RUVBL2: variants seen among roughly 807,000 people sequenced by gnomAD.
RUVBL2 encodes the protein ruvB-like 2.
Under a neutral mutation model 57.9 loss-of-function variants are expected in RUVBL2, and 9 were observed. The ratio of observed to expected loss-of-function variants is 0.16; its 90% confidence interval spans 0.09 to 0.27. The LOEUF is 0.27. Ranked by LOEUF, RUVBL2 falls within the 10% of genes least tolerant of loss-of-function variation. RUVBL2 has a pLI of 1.00. For missense variants in RUVBL2, 456 were observed against 669.6 expected, an observed-to-expected ratio of 0.68 and a Z score of 3.52; for synonymous variants, 278 against 264.6, an observed-to-expected ratio of 1.05 and a Z score of -0.49.
At chr19:49,010,687 G>A in intron 9 of RUVBL2, 76 bp downstream of exon 9, 1 of 1,584,308 alleles carries the variant, frequency 6.3e-7, no homozygotes, top group South Asian at 1.1e-5. Context: ...CTCTGTTCCT[G>A]AGCTCCGAGT....
chr19:49,012,664 T>C (rs2039451954), intron 11 of RUVBL2, among the ~76,000 whole-genome samples: 1 of 152,244 alleles, frequency 6.6e-6, no homozygotes, highest in Non-Finnish European at 1.5e-5. Flanking sequence ...CTTTCCCAGC[T>C]GAGTGTGAAC....
At chr19:49,001,862 G>A (rs891217894) in intron 2 of RUVBL2, among the ~76,000 whole-genome samples, 4 of 151,768 alleles carry the variant, frequency 2.6e-5, no homozygotes, top group Non-Finnish European at 5.9e-5. Flanking sequence ...CGCCTGCCTC[G>A]GCCTCCCAAA....
rs200644034 is a variant in RUVBL2, at chr19:49,003,150, TC to T, written c.68-124del. On this transcript the variant is annotated intron_variant, in intron 2 of 14. Coordinates refer to ENST00000595090, the MANE Select transcript of RUVBL2 (RefSeq NM_006666.3). ...ATATCCTTTCCATGTGCCCCTTCAT[TC>T]CCCCAACCCCTGCTCCCTACTCCCA... 1,553 of 799,952 alleles carry T rather than the reference TC, an allele frequency of 1.9e-3. 27 individuals are homozygous for T. In the African/African-American group the frequency reaches 0.024, roughly 13 times the overall value. 49.6% of individuals were successfully genotyped at this position (799,952 alleles called of 1,614,324 possible).
chr19:49,002,671 G>A (rs2039207176), intron 2 of RUVBL2, among the ~76,000 whole-genome samples: 3 of 151,920 alleles, frequency 2.0e-5, no homozygotes, highest in Admixed American at 6.6e-5. Context: ...TGCAACCTCC[G>A]CCTCCCAGGT....
rs747249344 is a variant in RUVBL2 at position 49,015,576 on chromosome 19, C to T, written c.1256C>T (p.Thr419Ile). Residue 419 changes from threonine to isoleucine, a missense_variant, in exon 14 of 15, where the codon ACA becomes ATA. By Grantham distance (89) the Thr-to-Ile change is moderately conservative (BLOSUM62 -1). This residue lies in a region of RUVBL2 where 67 missense variants were observed against 71.5 expected (regional missense o/e 0.94). Transcript: ENST00000595090. ...GGACTCGCCCTCCCCCTCCAGGGTA[C>T]AGAAGTGCAGGTGGATGACATCAAG... is the stretch of plus-strand genomic sequence containing the variant. Reference protein sequence around the residue: ...ASLVCRKRKGTEVQVDDIKRV... With the variant: ...ASLVCRKRKGIEVQVDDIKRV... 1.9e-6 allele frequency: 3 copies of T among 1,613,072 alleles called. No individual in the cohort carries two copies. The highest frequency in any genetic ancestry group is 4.5e-5 in the East Asian group (2 of 44,894).
At chr19:49,000,934 G>A (rs2039166686) in intron 2 of RUVBL2, among the ~76,000 whole-genome samples, 1 of 151,970 alleles carries the variant, frequency 6.6e-6, no homozygotes, top group Non-Finnish European at 1.5e-5. Context: ...GAGTCAGGAG[G>A]ATTGCTTGAA....
At chr19:49,014,403 T>A in intron 11 of RUVBL2, 81 bp from the exon 12 acceptor site, 1 of 1,529,236 alleles carries the variant, frequency 6.5e-7, no homozygotes. Context: ...TGGGTGGCGA[T>A]GGGAGGTGAG....
At position 49,015,006 on chromosome 19, in the gene RUVBL2, C is replaced by G. The variant is rs753125095; in HGVS notation, c.1122-15C>G. 1 of 1,587,518 alleles carries G rather than the reference C, an allele frequency of 6.3e-7. No homozygotes were observed. Among genetic ancestry groups the G allele is most frequent in the Non-Finnish European group, 8.6e-7 (1 of 1,168,062 alleles). ...GGGCCCCGGCTGAGCCACCCCTGTC[C>G]CCCACTGCTTGCAGGTGCGAGGAAG... On this transcript the variant is annotated splice_polypyrimidine_tract_variant and intron_variant, in intron 12 of 14. Coordinates refer to ENST00000595090, the MANE Select transcript of RUVBL2 (RefSeq NM_006666.3).
intron 11 of RUVBL2, among the ~76,000 whole-genome samples, chr19:49,012,178 T>C (rs2039443012): frequency 6.6e-6 from 1 of 152,150 alleles, no homozygotes; most frequent in African/African-American, 2.4e-5. Context: ...CCCTGCAGCC[T>C]TGGGCCCAGC....
chr19:49,010,157 T>G, intron 8 of RUVBL2, 91 bp downstream of exon 8: 1 of 1,173,460 alleles, frequency 8.5e-7, no homozygotes, highest in South Asian at 1.3e-5. Flanking sequence ...GGTCTGGATC[T>G]TCCTGTTACC....
intron 9 of RUVBL2, 145 bp downstream of exon 9, chr19:49,010,756 C>A: frequency 8.2e-7 from 1 of 1,212,478 alleles, no homozygotes; most frequent in Admixed American, 2.3e-5. Flanking sequence ...CCTCTGTTCT[C>A]CACCTGCAAG....
intron 2 of RUVBL2, among the ~76,000 whole-genome samples, chr19:49,002,913 A>G (rs773938427): frequency 5.1e-4 from 77 of 152,198 alleles, no homozygotes; most frequent in Non-Finnish European, 9.0e-4. Context: ...TTGCAGGATC[A>G]TATGGAATAA....
At chr19:49,014,686 G>A (rs2039507024) in intron 12 of RUVBL2, 83 bp downstream of exon 12, 10 of 1,537,652 alleles carry the variant, frequency 6.5e-6, no homozygotes, top group Admixed American at 1.8e-5. Flanking sequence ...GAGGTCCAGC[G>A]GAGTGGCATG....
In RUVBL2 at chr19:49,007,356, A is replaced by T. The variant is rs1365937478; in HGVS notation, c.450A>T (p.Pro150=). 1 of 1,613,916 alleles carries T rather than the reference A, an allele frequency of 6.2e-7. No homozygotes were observed. The highest frequency in any genetic ancestry group is 1.3e-5 in the African/African-American group (1 of 74,950). ...TGGTGGAGATCCAGATTGATCGACCAGCAACAGGGACGGTGAGTCTGTGTG... is the reference window on the plus strand; with the variant it reads ...TGGTGGAGATCCAGATTGATCGACCTGCAACAGGGACGGTGAGTCTGTGTG... ...GEVVEIQIDR[P]ATGTGSKVGK... is the part of the protein sequence containing the mutation. Residue 150 remains proline, a synonymous_variant, in exon 6 of 15, where the codon CCA becomes CCT. Coordinates refer to ENST00000595090, the MANE Select transcript of RUVBL2 (RefSeq NM_006666.3).
chr19:49,010,482 C>G lies in RUVBL2; in HGVS notation c.664-6C>G. ...CCGCCGTTCTTCCCCCACCCCCGCC[C>G]CATAGACCAAGTTCGTGCAGTGCCC... On this transcript the variant is annotated splice_region_variant and splice_polypyrimidine_tract_variant and intron_variant, in intron 8 of 14. Coordinates refer to ENST00000595090, the MANE Select transcript of RUVBL2 (RefSeq NM_006666.3). 2.5e-6 allele frequency: 4 copies of G among 1,605,480 alleles called. No homozygotes were observed. The highest frequency in any genetic ancestry group is 3.4e-6 in the Non-Finnish European group (4 of 1,173,114).
intron 11 of RUVBL2, among the ~76,000 whole-genome samples, chr19:49,012,035 G>T (rs1327887093): frequency 4.6e-5 from 7 of 152,146 alleles, no homozygotes; most frequent in Non-Finnish European, 1.0e-4. Flanking sequence ...GGGGGATGTG[G>T]AGGGCAGGCA....
intron 1 of RUVBL2, 105 bp downstream of exon 1, chr19:48,994,028 G>T: frequency 7.1e-7 from 1 of 1,404,540 alleles, no homozygotes; most frequent in South Asian, 1.2e-5. Flanking sequence ...GGGGGGATCT[G>T]GGGGTTCAGA....
At chr19:48,998,717 GAAAAA>G (rs1048739224) in intron 1 of RUVBL2, among the ~76,000 whole-genome samples, 1 of 116,802 alleles carries the variant, frequency 8.6e-6, no homozygotes, top group East Asian at 2.6e-4. Flanking sequence ...CAAAAAATAA[GAAAAA>G]AAAAAAAGAA....
chr19:49,010,467 T>TGGGC, intron 8 of RUVBL2, 21 bp from the exon 9 acceptor site: 17 of 1,401,128 alleles, frequency 1.2e-5, no homozygotes, highest in Admixed American at 2.0e-5. Flanking sequence ...CCGCCGTTCT[T>TGGGC]CCCCCACCCC....
Sources: allele counts gnomAD v4.1 joint callset (sites outside exome capture counted in the v4.1 genomes callset), GRCh38; gene constraint gnomAD v4.1.1; regional missense constraint gnomAD v4.1.1; transcripts MANE v1.5; gene names NCBI Gene and HGNC (gene_info 2026-07-23, HGNC 2026-07-21).